Variants in VAT1L observed in about 807,000 individuals in gnomAD.
The protein encoded by VAT1L is vesicle amine transport 1 like.
VAT1L carries 34 observed loss-of-function variants against 44.1 expected under a neutral mutation model. That is an observed-to-expected ratio of 0.77 (90% confidence interval 0.59 to 1.03). VAT1L has a LOEUF of 1.03. Among genes scored for constraint, VAT1L ranks in the 50% least tolerant of loss-of-function variants. VAT1L has a pLI of 0.00. For synonymous variants in VAT1L, 253 were observed against 202.2 expected (o/e 1.25, Z -2.13); for missense variants, 615 against 538.8 (o/e 1.14, Z -1.40).
At chr16:77,869,192 G>A (rs2017005494) in intron 4 of VAT1L, among the ~76,000 whole-genome samples, 1 of 152,132 alleles carries the variant, frequency 6.6e-6, no homozygotes, top group African/African-American at 2.4e-5. Flanking sequence ...ACGAGAGAAT[G>A]ACCTATGACT....
chr16:77,951,860 A>G (rs925809754), intron 7 of VAT1L, among the ~76,000 whole-genome samples: 2 of 152,050 alleles, frequency 1.3e-5, no homozygotes, highest in Non-Finnish European at 2.9e-5. Context: ...AAAACACGAA[A>G]AAACAAACTG....
chr16:77,792,516 G>A (rs1177625360), intron 1 of VAT1L, among the ~76,000 whole-genome samples: 1 of 152,130 alleles, frequency 6.6e-6, no homozygotes, highest in Non-Finnish European at 1.5e-5. Flanking sequence ...TCCCACTGCA[G>A]AGTCAGTCTC....
chr16:77,949,947 T>G (rs1432760105), intron 7 of VAT1L, among the ~76,000 whole-genome samples: 2 of 152,232 alleles, frequency 1.3e-5, no homozygotes, highest in African/African-American at 4.8e-5. Flanking sequence ...TTACACAGCT[T>G]CTAATGAAAG....
At chr16:77,967,420 A>G (rs1337125330) in intron 7 of VAT1L, among the ~76,000 whole-genome samples, 1 of 152,242 alleles carries the variant, frequency 6.6e-6, no homozygotes. Flanking sequence ...TGGTGGCCTA[A>G]GAAAGAATTA....
intron 4 of VAT1L, 91 bp downstream of exon 4, chr16:77,862,981 A>G (rs2016932566): frequency 6.9e-7 from 1 of 1,454,680 alleles, no homozygotes; most frequent in Non-Finnish European, 9.3e-7. Flanking sequence ...GATAATAATA[A>G]TATGTAGCAA....
At position 77,933,000 on chromosome 16, in the gene VAT1L, G is replaced by T. The variant is rs75607037; in HGVS notation, c.1078-38850G>T. Among the ~76,000 whole-genome samples the T allele has an allele frequency of 5.2e-3, 797 of 152,264 alleles. 8 individuals are homozygous for T. Among genetic ancestry groups the T allele is most frequent in the African/African-American group, 0.018 (762 of 41,546 alleles). On this transcript the variant is annotated intron_variant, in intron 7 of 8. Transcript: ENST00000302536. Reference sequence around the variant, plus strand: ...CACATTTCATTGGCTAGAACTGATCGCATGGCCCCACCTGACTCCAAGGAG... The same window carrying T: ...CACATTTCATTGGCTAGAACTGATCTCATGGCCCCACCTGACTCCAAGGAG...
At chr16:77,903,949 G>C (rs1425185988) in intron 7 of VAT1L, among the ~76,000 whole-genome samples, 1 of 151,730 alleles carries the variant, frequency 6.6e-6, no homozygotes, top group Non-Finnish European at 1.5e-5. Flanking sequence ...TGTTAGCAAG[G>C]ATGGTCTCGA....
chr16:77,907,953 C>T (rs1017614335), intron 7 of VAT1L, among the ~76,000 whole-genome samples: 2 of 152,128 alleles, frequency 1.3e-5, no homozygotes, highest in African/African-American at 4.8e-5. Context: ...GAAAAGCCAT[C>T]AAAAGGGCTG....
At chr16:77,882,072 C>G (rs1290711840) in intron 6 of VAT1L, 1 of 152,058 alleles carries the variant, frequency 6.6e-6, no homozygotes. Context: ...ACCTGGAGGT[C>G]AAGAATGAGG....
At chr16:77,919,622 T>C (rs144606520) in intron 7 of VAT1L, among the ~76,000 whole-genome samples, 7 of 152,216 alleles carry the variant, frequency 4.6e-5, no homozygotes, top group Middle Eastern at 6.8e-3. Context: ...ATGTGTGAAA[T>C]AGAGGAGAGA....
intron 7 of VAT1L, among the ~76,000 whole-genome samples, chr16:77,953,405 T>C (rs1218747270): frequency 6.6e-6 from 1 of 152,220 alleles, no homozygotes; most frequent in Non-Finnish European, 1.5e-5. Flanking sequence ...CTGGGTATGA[T>C]TTGTTAAAGC....
chr16:77,870,994 C>A (rs965096769), intron 4 of VAT1L, among the ~76,000 whole-genome samples: 2 of 150,382 alleles, frequency 1.3e-5, no homozygotes, highest in African/African-American at 4.9e-5. Flanking sequence ...ATAGACCCAA[C>A]TGAATCCAGT....
intron 7 of VAT1L, among the ~76,000 whole-genome samples, chr16:77,954,853 G>A (rs900311033): frequency 6.6e-6 from 1 of 152,146 alleles, no homozygotes; most frequent in Admixed American, 6.5e-5. Context: ...CAATAAAAGA[G>A]GCCTAGGGTG....
chr16:77,823,454 G>A (rs1469258883), intron 2 of VAT1L, among the ~76,000 whole-genome samples: 1 of 152,104 alleles, frequency 6.6e-6, no homozygotes, highest in African/African-American at 2.4e-5. Flanking sequence ...CCAGTGCCTA[G>A]AACCTAAGAT....
intron 7 of VAT1L, among the ~76,000 whole-genome samples, chr16:77,903,389 GTAGT>G (rs2017405088): frequency 6.6e-6 from 1 of 152,160 alleles, no homozygotes; most frequent in Admixed American, 6.5e-5. Flanking sequence ...TTTGCAACAG[GTAGT>G]TAGTACCTCA....
intron 7 of VAT1L, among the ~76,000 whole-genome samples, chr16:77,886,488 G>A (rs1218886331): frequency 6.6e-6 from 1 of 152,186 alleles, no homozygotes; most frequent in African/African-American, 2.4e-5. Flanking sequence ...AAATCCAAGA[G>A]GAGTCCACTT....
chr16:77,900,649 C>T (rs186849388), intron 7 of VAT1L, among the ~76,000 whole-genome samples: 7 of 150,592 alleles, frequency 4.6e-5, no homozygotes, highest in Middle Eastern at 3.4e-3. Flanking sequence ...GAGCTGAAAT[C>T]GCGCCACTGC....
Position 77,892,593 on chromosome 16 carries a change from C to T in VAT1L, c.1077+7791C>T, listed in dbSNP as rs2017279498. 3 of 649,738 alleles carry T rather than the reference C, an allele frequency of 4.6e-6. No homozygotes were observed. In the Admixed American group the frequency reaches 5.5e-5, roughly 12 times the overall value. The allele number at this position is 649,738 out of a possible 1,614,324, so 40.2% of individuals were successfully genotyped here. On this transcript the variant is annotated intron_variant, in intron 7 of 8. Transcript: ENST00000302536. Reference sequence around the variant, plus strand: ...GGTTCATGCTTTCACAGAATTATTCCAGGGTTTATGTGTCAAGGTGGTGAC... The same window carrying T: ...GGTTCATGCTTTCACAGAATTATTCTAGGGTTTATGTGTCAAGGTGGTGAC...
chr16:77,833,029 AG>A (rs2016597429), intron 3 of VAT1L, among the ~76,000 whole-genome samples: 1 of 152,236 alleles, frequency 6.6e-6, no homozygotes, highest in African/African-American at 2.4e-5. Context: ...GTATCTACCC[AG>A]TTACTCAAGT....
Sources: allele counts gnomAD v4.1 joint callset (sites outside exome capture counted in the v4.1 genomes callset), GRCh38; gene constraint gnomAD v4.1.1; transcripts MANE v1.5; gene names NCBI Gene and HGNC (gene_info 2026-07-23, HGNC 2026-07-21).